Variants in COL4A4 observed in about 807,000 individuals in gnomAD.
COL4A4 encodes the protein collagen type IV alpha 4 chain.
COL4A4 carries 105 observed loss-of-function variants against 192.9 expected under a neutral mutation model. The observed-to-expected ratio is 0.54, with a 90% CI of 0.46 to 0.64. The LOEUF is 0.64. Among genes scored for constraint, COL4A4 ranks in the 30% least tolerant of loss-of-function variants. The pLI, the probability that COL4A4 is intolerant of heterozygous loss-of-function variation, is 0.00. For missense variants in COL4A4, 1,967 were observed against 2,169.3 expected (o/e 0.91, Z 1.85); for synonymous variants, 762 against 769.9 (o/e 0.99, Z 0.17).
the COL4A4 span, among the ~76,000 whole-genome samples, chr2:226,983,760 A>C: frequency 8.5e-5 from 13 of 152,186 alleles, no homozygotes; most frequent in Non-Finnish European, 1.5e-4. Context: ...TTGATTTCAA[A>C]AGTCAATGAA....
downstream of COL4A4, among the ~76,000 whole-genome samples, chr2:227,002,301 G>A (rs1961192700): frequency 6.6e-6 from 1 of 151,840 alleles, no homozygotes. Context: ...AGTCACAGTG[G>A]TTAAAAGTAA....
chr2:227,030,916 A>AGATGGATGGATGGATGGATG (rs10689496), intron 40 of COL4A4, among the ~76,000 whole-genome samples: 5 of 145,902 alleles, frequency 3.4e-5, no homozygotes, highest in African/African-American at 7.6e-5. Context: ...TGCTTTAATA[A>AGATGGATGGATGGATGGATG]GATGGATGGA....
chr2:227,041,391 G>A (rs188674857), intron 37 of COL4A4, among the ~76,000 whole-genome samples: 14 of 152,112 alleles, frequency 9.2e-5, no homozygotes, highest in African/African-American at 3.4e-4. Context: ...TCACATCCTA[G>A]CACTTCAGGA....
At chr2:226,971,523 C>A in the COL4A4 span, among the ~76,000 whole-genome samples, 10 of 152,108 alleles carry the variant, frequency 6.6e-5, no homozygotes, top group South Asian at 1.0e-3. Context: ...AGACTACCAG[C>A]TTATTTGACT....
intron 37 of COL4A4, among the ~76,000 whole-genome samples, chr2:227,041,282 T>C (rs1970763195): frequency 6.6e-6 from 1 of 152,122 alleles, no homozygotes; most frequent in Non-Finnish European, 1.5e-5. Flanking sequence ...TAGTAGGAGC[T>C]TAACCATAGG....
At chr2:227,081,998 C>T in intron 23 of COL4A4, 117 bp downstream of exon 23, 1 of 942,888 alleles carries the variant, frequency 1.1e-6, no homozygotes, top group South Asian at 1.3e-5. Context: ...TTTAAGTAAT[C>T]TCAACCATCC....
At chr2:227,039,514 A>T (rs1343823771) in intron 37 of COL4A4, among the ~76,000 whole-genome samples, 1 of 152,234 alleles carries the variant, frequency 6.6e-6, no homozygotes, top group East Asian at 1.9e-4. Context: ...GTTATGTGAT[A>T]AATGCAAACA....
chr2:226,990,314 G>A, the COL4A4 span, among the ~76,000 whole-genome samples: 1 of 152,204 alleles, frequency 6.6e-6, no homozygotes, highest in African/African-American at 2.4e-5. Context: ...TTGAAAGAGA[G>A]AACATGGGTC....
chr2:227,093,754 G>A (rs1559604621), intron 20 of COL4A4, among the ~76,000 whole-genome samples: 1 of 151,832 alleles, frequency 6.6e-6, no homozygotes, highest in Non-Finnish European at 1.5e-5. Flanking sequence ...TATGTTAAAC[G>A]CTTTCTCTAT....
intron 44 of COL4A4, among the ~76,000 whole-genome samples, chr2:227,013,964 C>A (rs923237894): frequency 6.6e-6 from 1 of 152,054 alleles, no homozygotes. Context: ...AAAGCAGCAA[C>A]CCTGTCATGA....
chr2:226,968,297 A>T, the COL4A4 span, among the ~76,000 whole-genome samples: 1 of 152,196 alleles, frequency 6.6e-6, no homozygotes, highest in South Asian at 2.1e-4. Flanking sequence ...GGAAGTGCCT[A>T]TGTGATTGTG....
chr2:227,155,782 A>G (rs2064291225), intron 1 of COL4A4, among the ~76,000 whole-genome samples: 1 of 152,144 alleles, frequency 6.6e-6, no homozygotes, highest in African/African-American at 2.4e-5. Flanking sequence ...CTCTGTGCTC[A>G]TGGTTACTGA....
intron 37 of COL4A4, among the ~76,000 whole-genome samples, chr2:227,038,643 T>C (rs1970189743): frequency 6.6e-6 from 1 of 152,218 alleles, no homozygotes; most frequent in African/African-American, 2.4e-5. Context: ...TTTTAGCATA[T>C]GTTTAAGTTA....
chr2:227,080,657 C>T, intron 23 of COL4A4, 108 bp from the exon 24 acceptor site: 5 of 908,318 alleles, frequency 5.5e-6, no homozygotes, highest in Non-Finnish European at 8.9e-6. Flanking sequence ...TTGGTAGTTT[C>T]CTGTGTATCT....
chr2:227,112,698 ACT>A (rs922384470), intron 8 of COL4A4, among the ~76,000 whole-genome samples: 1 of 151,780 alleles, frequency 6.6e-6, no homozygotes, highest in Non-Finnish European at 1.5e-5. Context: ...TCCAGTGGAA[ACT>A]CTGTTCTCAT....
chr2:226,997,697 GAC>G, the COL4A4 span: 1 of 152,182 alleles, frequency 6.6e-6, no homozygotes, highest in African/African-American at 2.4e-5. Flanking sequence ...CAGATACAAA[GAC>G]ACGGGATTAG....
upstream of COL4A4, chr2:227,164,350 G>C (rs2065113948): frequency 2.8e-5 from 6 of 213,150 alleles, no homozygotes; most frequent in South Asian, 1.3e-4. The surrounding 1 kb of genome is among the most constrained non-coding windows in gnomAD (Gnocchi z 4.8). Flanking sequence ...CCACTTCCCC[G>C]CCTGGGCCCC....
In COL4A4 at chr2:227,103,954, T is replaced by C; in HGVS notation, c.816+18A>G. 1 of 1,593,150 alleles carries C rather than the reference T, an allele frequency of 6.3e-7. No individual in the cohort carries two copies. The highest frequency in any genetic ancestry group is 8.6e-7 in the Non-Finnish European group (1 of 1,161,804). Reference sequence around the variant, plus strand: ...TCTACTGCTACTTTCCAAGGTGACATATGGATTTGGGAATTACCTTTTCTC... The same window carrying C: ...TCTACTGCTACTTTCCAAGGTGACACATGGATTTGGGAATTACCTTTTCTC... On this transcript the variant is annotated intron_variant, in intron 13 of 47. Transcript: ENST00000396625.
intron 11 of COL4A4, 88 bp downstream of exon 11, chr2:227,108,745 G>A (rs2061002226): frequency 3.9e-6 from 6 of 1,524,108 alleles, no homozygotes; most frequent in South Asian, 1.1e-5. Flanking sequence ...AGTCTGATAA[G>A]AGGAAAGCCA....
Sources: gnomAD v4.1 joint callset for allele counts (sites outside exome capture counted in the v4.1 genomes callset) on GRCh38, gnomAD v4.1.1 for gene constraint, Gnocchi (gnomAD v3.1) non-coding constraint, MANE v1.5 for transcripts, NCBI Gene and HGNC (gene_info 2026-07-23, HGNC 2026-07-21) for gene names.